The following TYW1 variants were observed in gnomAD, a reference collection of about 807,000 sequenced individuals.
TYW1 encodes tRNA-yW synthesizing protein 1 homolog, also known as S-adenosyl-L-methionine-dependent tRNA 4-demethylwyosine synthase TYW1.
In TYW1, 46 loss-of-function variants were observed where a neutral mutation model predicts 96.2. That is an observed-to-expected ratio of 0.48 (90% CI 0.38 to 0.61). TYW1 has a LOEUF of 0.61. Among genes scored for constraint, TYW1 ranks in the 20% least tolerant of loss-of-function variants. TYW1 has a pLI of 0.00. For missense variants in TYW1, 684 were observed against 909.6 expected (o/e 0.75, Z 3.19); for synonymous variants, 274 against 323.0 (o/e 0.85, Z 1.63).
chr7:67,171,477 C>G (rs1799511227), intron 13 of TYW1, among the ~76,000 whole-genome samples: 1 of 152,008 alleles, frequency 6.6e-6, no homozygotes, highest in Admixed American at 6.6e-5. Context: ...TTAATCATGT[C>G]GTTCATGTGT....
intron 13 of TYW1, among the ~76,000 whole-genome samples, chr7:67,136,508 T>C (rs1004648447): frequency 6.6e-5 from 10 of 152,166 alleles, no homozygotes; most frequent in Non-Finnish European, 1.5e-4. Flanking sequence ...AGAAAATTGT[T>C]TTGTATTTAA....
chr7:67,123,514 T>C (rs907085485), intron 13 of TYW1, among the ~76,000 whole-genome samples: 1 of 152,200 alleles, frequency 6.6e-6, no homozygotes, highest in Non-Finnish European at 1.5e-5. Flanking sequence ...CTTAGGTTCG[T>C]GTTGAGGCAT....
At chr7:67,216,403 GTCTCA>G (rs1371647075) in intron 15 of TYW1, among the ~76,000 whole-genome samples, 1 of 134,894 alleles carries the variant, frequency 7.4e-6, no homozygotes, top group Non-Finnish European at 1.6e-5. Flanking sequence ...GTCACTATTG[GTCTCA>G]TCTCATCTTT....
intron 11 of TYW1, among the ~76,000 whole-genome samples, chr7:67,095,706 AGCAGCAGCAG>A (rs199554859): frequency 0.013 from 1,586 of 117,864 alleles, 20 homozygotes; most frequent in African/African-American, 0.05. Flanking sequence ...CAACAGCAGC[AGCAGCAGCAG>A]CAGCCCCTAT....
At position 67,166,860 on chromosome 7, in the gene TYW1, A is replaced by T. The variant is rs550515702; in HGVS notation, c.1699-16266A>T. ...TGTTTTTTGATATACATGTGGGCTA[A>T]CTGATGTTCACTGTGTATTTGGGAG... On this transcript the variant is annotated intron_variant, in intron 13 of 15. Coordinates refer to ENST00000359626, the MANE Select transcript of TYW1 (RefSeq NM_018264.4). Among the ~76,000 whole-genome samples the T allele has an allele frequency of 6.6e-5, 10 of 152,270 alleles. No individual in the cohort carries two copies. The South Asian group carries it at 2.1e-3, about 32-fold the overall frequency.
intron 12 of TYW1, among the ~76,000 whole-genome samples, chr7:67,110,207 A>G (rs1389958609): frequency 6.6e-6 from 1 of 152,222 alleles, no homozygotes; most frequent in Non-Finnish European, 1.5e-5. Flanking sequence ...TGGAAAAGGA[A>G]AAGCTGGGCC....
chr7:67,226,100 A>T (rs1406673508), intron 15 of TYW1, among the ~76,000 whole-genome samples: 1 of 152,174 alleles, frequency 6.6e-6, no homozygotes, highest in Non-Finnish European at 1.5e-5. Context: ...GACTGAGACA[A>T]TGAAAGAGAT....
At chr7:67,029,344 C>T (rs111986251) in intron 7 of TYW1, among the ~76,000 whole-genome samples, 18,368 of 128,860 alleles carry the variant, frequency 0.14, 1,428 homozygotes, top group Middle Eastern at 0.19. Context: ...AAAAAATGTG[C>T]ATTTATATTT....
chr7:67,198,443 C>T (rs949859684), intron 15 of TYW1, among the ~76,000 whole-genome samples: 3 of 151,514 alleles, frequency 2.0e-5, no homozygotes, highest in African/African-American at 7.3e-5. Context: ...CTCAGGTACT[C>T]AGGAAGCTGA....
At chr7:67,186,153 A>C (rs1276119420) in intron 14 of TYW1, among the ~76,000 whole-genome samples, 1 of 145,264 alleles carries the variant, frequency 6.9e-6, no homozygotes, top group Non-Finnish European at 1.5e-5. Context: ...GTGGTGTTTT[A>C]ATTTATGATT....
intron 9 of TYW1, among the ~76,000 whole-genome samples, chr7:67,060,948 C>CG (rs1795676118): frequency 6.6e-6 from 1 of 152,128 alleles, no homozygotes; most frequent in South Asian, 2.1e-4. Flanking sequence ...CAGTTTCAGC[C>CG]GGGCACCAGT....
intron 7 of TYW1, among the ~76,000 whole-genome samples, chr7:67,027,484 C>T (rs1266786273): frequency 6.6e-6 from 1 of 151,892 alleles, no homozygotes; most frequent in Non-Finnish European, 1.5e-5. Context: ...GATTCAAAAT[C>T]TAGAAGCAAT....
At chr7:67,199,784 C>T (rs1380125466) in intron 15 of TYW1, among the ~76,000 whole-genome samples, 5 of 152,142 alleles carry the variant, frequency 3.3e-5, no homozygotes, top group Admixed American at 6.6e-5. Context: ...TCCCTCATAT[C>T]CTTATTCAAA....
chr7:67,043,104 C>T (rs1253563674), intron 7 of TYW1, among the ~76,000 whole-genome samples: 2 of 151,614 alleles, frequency 1.3e-5, no homozygotes, highest in South Asian at 2.1e-4. Flanking sequence ...TGCAATTTAC[C>T]ATTTAACAGA....
At chr7:67,146,359 C>T (rs1798610495) in intron 13 of TYW1, among the ~76,000 whole-genome samples, 1 of 152,032 alleles carries the variant, frequency 6.6e-6, no homozygotes, top group African/African-American at 2.4e-5. Flanking sequence ...AAACTGTATT[C>T]ATTCACTCAA....
At chr7:67,117,327 TA>T (rs1489844472) in intron 12 of TYW1, among the ~76,000 whole-genome samples, 155 bp from the exon 13 acceptor site, 1 of 152,224 alleles carries the variant, frequency 6.6e-6, no homozygotes, top group African/African-American at 2.4e-5. Context: ...GTCACATGAT[TA>T]AAATCATTAG....
chr7:67,029,416 T>TACATATATATATATAC (rs1794590678), intron 7 of TYW1, among the ~76,000 whole-genome samples: 2 of 97,614 alleles, frequency 2.0e-5, no homozygotes, highest in African/African-American at 9.4e-5. Context: ...TGTGTGTGTG[T>TACATATATATATATAC]ATATATATAT....
At chr7:67,128,977 C>T (rs937749596) in intron 13 of TYW1, among the ~76,000 whole-genome samples, 17 of 152,184 alleles carry the variant, frequency 1.1e-4, no homozygotes, top group African/African-American at 4.1e-4. Context: ...GTGTGAGCCA[C>T]CGCGCCCAGT....
intron 13 of TYW1, among the ~76,000 whole-genome samples, chr7:67,181,510 A>G (rs1302871507): frequency 1.3e-5 from 2 of 152,162 alleles, no homozygotes; most frequent in African/African-American, 4.8e-5. Flanking sequence ...GTTTTCTTCA[A>G]TGAAGGTCTC....
Sources: gnomAD v4.1 joint callset for allele counts (sites outside exome capture counted in the v4.1 genomes callset) on GRCh38, gnomAD v4.1.1 for gene constraint, MANE v1.5 for transcripts, NCBI Gene and HGNC (gene_info 2026-07-23, HGNC 2026-07-21) for gene names.